The following EYS variants were observed in gnomAD, a reference collection of about 807,000 sequenced individuals.
EYS encodes EGF-like photoreceptor maintenance factor.
EYS carries 250 observed loss-of-function variants against 282.1 expected under a neutral mutation model. The observed-to-expected ratio is 0.89, with a 90% CI of 0.80 to 0.98. EYS has a LOEUF of 0.98. Ranked by LOEUF, EYS falls within the 50% of genes least tolerant of loss-of-function variation. The probability of loss-of-function intolerance (pLI) is 0.00; values close to 1 mark genes in which losing one functional copy is unlikely to be tolerated. For missense variants in EYS, 4,016 were observed against 3,709.0 expected (o/e 1.08, Z -2.15); for synonymous variants, 1,355 against 1,282.9 (o/e 1.06, Z -1.20).
At chr6:64,723,539 C>G (rs922598115) in intron 22 of EYS, among the ~76,000 whole-genome samples, 3 of 152,192 alleles carry the variant, frequency 2.0e-5, no homozygotes, top group Admixed American at 6.5e-5. Flanking sequence ...TACGCCCACT[C>G]TCTTCACATT....
chr6:65,515,580 A>G (rs1023733207), intron 2 of EYS, among the ~76,000 whole-genome samples: 5 of 151,930 alleles, frequency 3.3e-5, no homozygotes, highest in Admixed American at 2.0e-4. Context: ...AGAAAATGTG[A>G]CACATATACA....
chr6:64,284,686 A>G (rs1768432720), intron 30 of EYS, among the ~76,000 whole-genome samples: 1 of 151,994 alleles, frequency 6.6e-6, no homozygotes, highest in Admixed American at 6.5e-5. Context: ...AGGCATTTCC[A>G]TACATCTTCT....
At chr6:65,049,632 G>T (rs1773206267) in intron 13 of EYS, among the ~76,000 whole-genome samples, 1 of 151,604 alleles carries the variant, frequency 6.6e-6, no homozygotes, top group Admixed American at 6.6e-5. Flanking sequence ...CAATAGCGTT[G>T]TTATTACTTT....
chr6:64,719,855 T>G (rs7749775), intron 22 of EYS, among the ~76,000 whole-genome samples: 1 of 152,096 alleles, frequency 6.6e-6, no homozygotes, highest in Non-Finnish European at 1.5e-5. Flanking sequence ...GAGCCGAGAT[T>G]GCACCACAGC....
intron 12 of EYS, among the ~76,000 whole-genome samples, chr6:65,071,366 A>G (rs1021871517): frequency 2.0e-5 from 3 of 151,928 alleles, no homozygotes; most frequent in African/African-American, 7.2e-5. Flanking sequence ...ACTTAAAGTA[A>G]AAATACATTG....
At chr6:63,963,714 G>T (rs772963070) in intron 35 of EYS, among the ~76,000 whole-genome samples, 5 of 152,156 alleles carry the variant, frequency 3.3e-5, no homozygotes, top group Non-Finnish European at 5.9e-5. Context: ...CCATTAGGAA[G>T]AAACTTTTAT....
At chr6:64,769,023 A>G (rs1455481499) in intron 22 of EYS, among the ~76,000 whole-genome samples, 1 of 152,110 alleles carries the variant, frequency 6.6e-6, no homozygotes. Flanking sequence ...CTACACTCCA[A>G]GCCAATGCCA....
intron 22 of EYS, among the ~76,000 whole-genome samples, chr6:64,656,903 C>T (rs965185674): frequency 1.3e-5 from 2 of 152,080 alleles, no homozygotes; most frequent in Non-Finnish European, 2.9e-5. Flanking sequence ...TGATAGCCAC[C>T]CATTAGACAA....
chr6:65,245,975 A>G (rs959185037), intron 12 of EYS, among the ~76,000 whole-genome samples: 26 of 152,084 alleles, frequency 1.7e-4, no homozygotes, highest in African/African-American at 6.3e-4. Context: ...AACCTGCCCC[A>G]CCAACCTTGT....
intron 11 of EYS, among the ~76,000 whole-genome samples, chr6:65,334,571 T>A (rs1769911809): frequency 6.6e-6 from 1 of 151,856 alleles, no homozygotes; most frequent in South Asian, 2.1e-4. Context: ...TGCCAGACCC[T>A]GAGGGCAACA....
At chr6:64,957,433 G>T (rs1031848758) in intron 14 of EYS, among the ~76,000 whole-genome samples, 1 of 152,046 alleles carries the variant, frequency 6.6e-6, no homozygotes, top group Non-Finnish European at 1.5e-5. Flanking sequence ...GGCTGGGAAG[G>T]GTAGTGGATG....
At chr6:64,747,154 A>G (rs1463504296) in intron 22 of EYS, among the ~76,000 whole-genome samples, 1 of 152,226 alleles carries the variant, frequency 6.6e-6, no homozygotes, top group Admixed American at 6.5e-5. Context: ...ATGAAAAGCA[A>G]GTAAAACTAC....
intron 26 of EYS, among the ~76,000 whole-genome samples, chr6:64,525,738 G>T (rs191316455): frequency 6.6e-6 from 1 of 151,864 alleles, no homozygotes; most frequent in Admixed American, 6.6e-5. Context: ...TGAGGATGCA[G>T]GGAAATTAAA....
At chr6:65,127,415 C>T (rs1487619314) in intron 12 of EYS, among the ~76,000 whole-genome samples, 2 of 152,060 alleles carry the variant, frequency 1.3e-5, no homozygotes, top group African/African-American at 4.8e-5. Flanking sequence ...AAACAACTAG[C>T]CTGCAAAGCA....
At chr6:63,932,210 C>T (rs1031073855) in intron 35 of EYS, among the ~76,000 whole-genome samples, 1 of 152,170 alleles carries the variant, frequency 6.6e-6, no homozygotes, top group Non-Finnish European at 1.5e-5. Flanking sequence ...ACATGTCCCA[C>T]ATTTTCCTTA....
At chr6:64,076,204 T>C (rs1387827413) in intron 32 of EYS, among the ~76,000 whole-genome samples, 1 of 151,994 alleles carries the variant, frequency 6.6e-6, no homozygotes, top group Non-Finnish European at 1.5e-5. Context: ...TTGTTTCTAT[T>C]TATCAGAGGA....
intron 26 of EYS, among the ~76,000 whole-genome samples, chr6:64,575,441 T>G (rs1025947464): frequency 3.3e-5 from 5 of 152,010 alleles, no homozygotes; most frequent in Non-Finnish European, 7.4e-5. Flanking sequence ...GGATGAGGAG[T>G]AAGGCTCTTA....
intron 12 of EYS, among the ~76,000 whole-genome samples, chr6:65,162,662 C>T (rs963420508): frequency 2.0e-5 from 3 of 150,396 alleles, no homozygotes; most frequent in Admixed American, 6.6e-5. Context: ...ATTTCCATGT[C>T]CTGATAGTTT....
chr6:65,585,527 T>C (rs1350119955), intron 2 of EYS, among the ~76,000 whole-genome samples: 3 of 151,952 alleles, frequency 2.0e-5, no homozygotes, highest in Non-Finnish European at 4.4e-5. Context: ...ATGTAAAGAA[T>C]TTGAAGTGAT....
Sources: gnomAD v4.1 joint callset for allele counts (sites outside exome capture counted in the v4.1 genomes callset) on GRCh38, gnomAD v4.1.1 for gene constraint, MANE v1.5 for transcripts, NCBI Gene and HGNC (gene_info 2026-07-23, HGNC 2026-07-21) for gene names.